NKAIN2: variants seen among roughly 807,000 people sequenced by gnomAD.
NKAIN2 encodes sodium/potassium transporting ATPase interacting 2.
In NKAIN2, 14 loss-of-function variants were observed where a neutral mutation model predicts 32.6. That is an observed-to-expected ratio of 0.43 (90% CI 0.28 to 0.67). The LOEUF is 0.67. Ranked by LOEUF, NKAIN2 falls within the 30% of genes least tolerant of loss-of-function variation. The pLI is 0.17. For missense variants in NKAIN2, 198 were observed against 258.3 expected (o/e 0.77, Z 1.60); for synonymous variants, 80 against 87.2 (o/e 0.92, Z 0.46).
intron 4 of NKAIN2, among the ~76,000 whole-genome samples, chr6:124,790,334 G>A (rs1468311779): frequency 6.6e-6 from 1 of 151,914 alleles, no homozygotes; most frequent in East Asian, 1.9e-4. Flanking sequence ...GCTTGTCGTG[G>A]CGGTTCCTTT....
intron 1 of NKAIN2, among the ~76,000 whole-genome samples, chr6:124,093,479 G>A (rs2114932700): frequency 6.6e-6 from 1 of 152,208 alleles, no homozygotes; most frequent in Middle Eastern, 3.4e-3. Flanking sequence ...AAATGAAACA[G>A]CACCTAGTAC....
intron 1 of NKAIN2, among the ~76,000 whole-genome samples, chr6:123,812,882 T>C (rs1354803003): frequency 6.6e-6 from 1 of 152,244 alleles, no homozygotes; most frequent in Non-Finnish European, 1.5e-5. Context: ...ATCAAATTGG[T>C]ACACCCTACT....
chr6:124,788,327 G>A (rs1296389441), intron 4 of NKAIN2, among the ~76,000 whole-genome samples: 1 of 151,988 alleles, frequency 6.6e-6, no homozygotes, highest in Non-Finnish European at 1.5e-5. Context: ...AACCCAAAAT[G>A]TCAGTGGTGA....
At chr6:124,437,425 G>A (rs59184730) in intron 3 of NKAIN2, among the ~76,000 whole-genome samples, 1,936 of 152,238 alleles carry the variant, frequency 0.013, 35 homozygotes, top group African/African-American at 0.044. Flanking sequence ...ATCACAAGCC[G>A]TTATGTTCTG....
rs796398186 is a variant in NKAIN2 at position 124,376,668 on chromosome 6, C to G, written c.273+21321C>G. On this transcript the variant is annotated intron_variant, in intron 3 of 6. Transcript: ENST00000368417. ...TAAGCTTACCCTACAGTTAGAGGCC[C>G]TTCTCACATCCAGCCTCAATCTTCC... Among the ~76,000 whole-genome samples the G allele has an allele frequency of 3.3e-5, 5 of 152,236 alleles. No individual in the cohort carries two copies. In the East Asian group the frequency reaches 7.7e-4, roughly 24 times the overall value.
chr6:124,439,537 T>A (rs768515186), intron 3 of NKAIN2, among the ~76,000 whole-genome samples: 40 of 152,084 alleles, frequency 2.6e-4, no homozygotes, highest in Non-Finnish European at 4.3e-4. Context: ...CCACTATCCT[T>A]AGGGTCTGTA....
At chr6:124,163,903 G>C (rs780343034) in intron 1 of NKAIN2, among the ~76,000 whole-genome samples, 2 of 151,938 alleles carry the variant, frequency 1.3e-5, no homozygotes, top group Admixed American at 6.6e-5. Flanking sequence ...AAGATAATAC[G>C]AACTGAAACT....
At chr6:124,180,055 A>G (rs112969739) in intron 1 of NKAIN2, among the ~76,000 whole-genome samples, 3 of 152,066 alleles carry the variant, frequency 2.0e-5, no homozygotes, top group Non-Finnish European at 4.4e-5. Context: ...TTCTCCTTTC[A>G]TGGGTAAATA....
chr6:124,411,188 A>G (rs550098805), intron 3 of NKAIN2, among the ~76,000 whole-genome samples: 95 of 151,952 alleles, frequency 6.3e-4, no homozygotes, highest in Middle Eastern at 6.8e-3. Flanking sequence ...TACATTTAAG[A>G]TTAGTATTGG....
At chr6:124,104,922 G>C (rs2114957173) in intron 1 of NKAIN2, among the ~76,000 whole-genome samples, 1 of 152,220 alleles carries the variant, frequency 6.6e-6, no homozygotes, top group South Asian at 2.1e-4. Flanking sequence ...CATCTGGATG[G>C]GCTGATTTAT....
intron 3 of NKAIN2, among the ~76,000 whole-genome samples, chr6:124,512,561 C>A (rs1778754078): frequency 6.6e-6 from 1 of 152,064 alleles, no homozygotes; most frequent in African/African-American, 2.4e-5. Context: ...GACATAAACA[C>A]TAAAAGAGCA....
chr6:124,820,237 A>G (rs1781337644), intron 6 of NKAIN2, among the ~76,000 whole-genome samples: 1 of 152,148 alleles, frequency 6.6e-6, no homozygotes, highest in Non-Finnish European at 1.5e-5. Context: ...AAAGTGTTCT[A>G]TTTAAAAAGG....
intron 3 of NKAIN2, among the ~76,000 whole-genome samples, chr6:124,403,032 T>G (rs1773695194): frequency 6.6e-6 from 1 of 152,202 alleles, no homozygotes; most frequent in African/African-American, 2.4e-5. Context: ...AGAATCAGGT[T>G]GGTAAATGTA....
At position 123,951,076 on chromosome 6, in the gene NKAIN2, G is replaced by A. The variant is rs190424669; in HGVS notation, c.54+146822G>A. Among the ~76,000 whole-genome samples the A allele has an allele frequency of 1.8e-4, 27 of 151,966 alleles. No homozygotes were observed. In the East Asian group the frequency reaches 5.0e-3, roughly 28 times the overall value. ...TCCATCTATTTATACAATTTCCAAT[G>A]TTCCTCTTATTGATTTCTAGTTTTA... On this transcript the variant is annotated intron_variant, in intron 1 of 6. Coordinates refer to ENST00000368417, the MANE Select transcript of NKAIN2 (RefSeq NM_001040214.3).
chr6:123,927,331 G>A (rs1027604610), intron 1 of NKAIN2, among the ~76,000 whole-genome samples: 5 of 152,102 alleles, frequency 3.3e-5, no homozygotes, highest in Non-Finnish European at 5.9e-5. Context: ...TAAACATTCT[G>A]TTTTGTTCCT....
intron 3 of NKAIN2, among the ~76,000 whole-genome samples, chr6:124,465,769 A>T (rs1233556774): frequency 6.6e-6 from 1 of 152,098 alleles, no homozygotes; most frequent in Non-Finnish European, 1.5e-5. Context: ...TCATGGCATT[A>T]AGAGAGCATT....
At chr6:124,632,063 A>G (rs1205207936) in intron 3 of NKAIN2, among the ~76,000 whole-genome samples, 1 of 152,160 alleles carries the variant, frequency 6.6e-6, no homozygotes, top group Admixed American at 6.5e-5. Context: ...TTATATCACA[A>G]TATTTTTCTC....
intron 4 of NKAIN2, among the ~76,000 whole-genome samples, chr6:124,734,582 C>T (rs1776848629): frequency 2.0e-5 from 3 of 151,882 alleles, no homozygotes; most frequent in African/African-American, 7.2e-5. Flanking sequence ...AAAAGACTGA[C>T]ACTGGAGAAC....
intron 1 of NKAIN2, among the ~76,000 whole-genome samples, chr6:124,155,963 GAA>G (rs112070072): frequency 9.5e-5 from 12 of 125,844 alleles, no homozygotes; most frequent in African/African-American, 1.4e-4. Flanking sequence ...ACAGAGAATG[GAA>G]AAAAAAAAAA....
Sources: gnomAD v4.1 joint callset for allele counts (sites outside exome capture counted in the v4.1 genomes callset) on GRCh38, gnomAD v4.1.1 for gene constraint, MANE v1.5 for transcripts, NCBI Gene and HGNC (gene_info 2026-07-23, HGNC 2026-07-21) for gene names.